The following RBM17 variants were observed in gnomAD, a reference collection of about 807,000 sequenced individuals.
The protein encoded by RBM17 is splicing factor 45.
A neutral mutation model predicts 53.2 loss-of-function variants in RBM17; 7 were observed. The ratio of observed to expected loss-of-function variants is 0.13; its 90% confidence interval spans 0.07 to 0.25. The LOEUF (loss-of-function observed/expected upper bound fraction) is 0.25, where lower values mean the gene tolerates loss of function less well. RBM17 is among the 10% of genes least tolerant of loss of function. The probability of loss-of-function intolerance (pLI) is 1.00; values close to 1 mark genes in which losing one functional copy is unlikely to be tolerated. For synonymous variants in RBM17, 167 were observed against 178.1 expected (o/e 0.94, Z 0.50); for missense variants, 257 against 496.7 (o/e 0.52, Z 4.59).
In RBM17 at chr10:6,112,687, T is replaced by G. The variant is rs1840858732; in HGVS notation, c.856+326T>G. 2.6e-6 allele frequency: 1 copy of G among 383,762 alleles called. No individual in the cohort carries two copies. The highest frequency in any genetic ancestry group is 2.1e-5 in the African/African-American group (1 of 47,982). The allele number at this position is 383,762 out of a possible 1,614,324, so 23.8% of individuals were successfully genotyped here. On this transcript the variant is annotated intron_variant, in intron 8 of 11. Coordinates refer to ENST00000379888, the MANE Select transcript of RBM17 (RefSeq NM_032905.5). The surrounding 1 kb of genome is among the most constrained non-coding windows in gnomAD (Gnocchi z 4.4). Reference sequence around the variant, plus strand: ...CAGGAAGAAATCTTGGTTATGTGTTTAGAGCATGAAGGACAGAGCCATATA... The same window carrying G: ...CAGGAAGAAATCTTGGTTATGTGTTGAGAGCATGAAGGACAGAGCCATATA...
chr10:6,110,896 GC>G (rs1307522558), intron 7 of RBM17, among the ~76,000 whole-genome samples: 10 of 152,330 alleles, frequency 6.6e-5, no homozygotes, highest in African/African-American at 2.2e-4. Flanking sequence ...ATAGGACATG[GC>G]CGTGGCTGCA....
At chr10:6,108,469 C>T in intron 5 of RBM17, 2 of 495,270 alleles carry the variant, frequency 4.0e-6, no homozygotes, top group Non-Finnish European at 7.3e-6. Context: ...TATGAAGGAA[C>T]AATTTTGCAT....
At chr10:6,098,307 G>C (rs1186872250) in intron 2 of RBM17, among the ~76,000 whole-genome samples, 2 of 152,106 alleles carry the variant, frequency 1.3e-5, no homozygotes, top group Non-Finnish European at 2.9e-5. Context: ...TTAGTCAAAG[G>C]CTCCTTGCTG....
chr10:6,091,107 T>C (rs1395124282), intron 1 of RBM17, among the ~76,000 whole-genome samples: 1 of 151,232 alleles, frequency 6.6e-6, no homozygotes, highest in Non-Finnish European at 1.5e-5. Context: ...TAGTCCAGGC[T>C]GGAGTGCAGC....
chr10:6,097,542 G>T (rs556768849), intron 2 of RBM17, among the ~76,000 whole-genome samples: 1 of 152,228 alleles, frequency 6.6e-6, no homozygotes, highest in Non-Finnish European at 1.5e-5. Flanking sequence ...GCAGTGGTGG[G>T]CACCTGTACT....
At chr10:6,105,474 A>G (rs1410539300) in intron 4 of RBM17, among the ~76,000 whole-genome samples, 1 of 152,210 alleles carries the variant, frequency 6.6e-6, no homozygotes, top group African/African-American at 2.4e-5. Context: ...GGAAATGTGC[A>G]TTGGGGGATT....
chr10:6,102,696 T>A (rs1840685115), intron 3 of RBM17, among the ~76,000 whole-genome samples: 1 of 152,260 alleles, frequency 6.6e-6, no homozygotes, highest in African/African-American at 2.4e-5. Flanking sequence ...TTTTTAATTC[T>A]CATTAAGCGA....
intron 5 of RBM17, among the ~76,000 whole-genome samples, chr10:6,107,408 C>T (rs554813046): frequency 2.0e-4 from 30 of 149,200 alleles, no homozygotes; most frequent in African/African-American, 6.2e-4. Flanking sequence ...AAACTCCTGA[C>T]GTCAAGTGAT....
Position 6,112,231 on chromosome 10 carries a change from C to A in RBM17, c.726C>A (p.Ile242=), listed in dbSNP as rs536478330. The change falls in exon 8 of 12, where the codon ATC becomes ATA. Residue 242 remains isoleucine, a synonymous_variant. Coordinates refer to ENST00000379888, the MANE Select transcript of RBM17 (RefSeq NM_032905.5). The surrounding 1 kb of genome is among the most constrained non-coding windows in gnomAD (Gnocchi z 4.4). ...ANMGGTVAHK[I]MQKYGFREGQ... is the part of the protein sequence containing the mutation. ...CCAGGGGCACGGTGGCGCACAAGAT[C>A]ATGCAGAAGTACGGCTTCCGGGAGG... 1.2e-6 allele frequency: 2 copies of A among 1,612,904 alleles called. No homozygotes were observed. Among genetic ancestry groups the A allele is most frequent in the Non-Finnish European group, 8.5e-7 (1 of 1,179,972 alleles).
chr10:6,105,918 G>A (rs796719248), intron 4 of RBM17, among the ~76,000 whole-genome samples: 11 of 152,026 alleles, frequency 7.2e-5, no homozygotes, highest in African/African-American at 1.9e-4. Flanking sequence ...GGTTGCTCTC[G>A]TATACTTATT....
Position 6,094,990 on chromosome 10 carries a change from T to C in RBM17, c.-18-2058T>C, listed in dbSNP as rs568182833. On this transcript the variant is annotated intron_variant, in intron 1 of 11. Transcript: ENST00000379888. Reference sequence around the variant, plus strand: ...TTCTTGGAGTTCAGAGTTATTAAACTAGGCTCTGAAGTGGACATCAGGGGA... The same window carrying C: ...TTCTTGGAGTTCAGAGTTATTAAACCAGGCTCTGAAGTGGACATCAGGGGA... Among the ~76,000 whole-genome samples, 15 of 152,332 alleles carry C rather than the reference T, an allele frequency of 9.8e-5. No individual in the cohort carries two copies. The East Asian group carries it at 1.7e-3, about 18-fold the overall frequency.
At chr10:6,110,149 C>A in intron 7 of RBM17, 22 bp downstream of exon 7, 2 of 1,592,868 alleles carry the variant, frequency 1.3e-6, no homozygotes, top group East Asian at 2.2e-5. Context: ...ATGTTCTTAT[C>A]TAAGGACTTG....
At chr10:6,111,871 A>G (rs1445360840) in intron 7 of RBM17, among the ~76,000 whole-genome samples, 1 of 152,156 alleles carries the variant, frequency 6.6e-6, no homozygotes, top group Admixed American at 6.5e-5. Context: ...TTTTTAATAA[A>G]CTGTGGTCAT....
intron 7 of RBM17, among the ~76,000 whole-genome samples, chr10:6,111,377 T>A (rs1840835093): frequency 6.6e-6 from 1 of 152,228 alleles, no homozygotes; most frequent in Non-Finnish European, 1.5e-5. Flanking sequence ...TCTCGCTCTG[T>A]CGCCCAGGCT....
Sources: allele counts gnomAD v4.1 joint callset (sites outside exome capture counted in the v4.1 genomes callset), GRCh38; gene constraint gnomAD v4.1.1; non-coding constraint Gnocchi (gnomAD v3.1); transcripts MANE v1.5; gene names NCBI Gene and HGNC (gene_info 2026-07-23, HGNC 2026-07-21).